ARAP1: variants seen among roughly 807,000 people sequenced by gnomAD.
ARAP1 encodes arf-GAP with Rho-GAP domain, ANK repeat and PH domain-containing protein 1.
ARAP1 carries 76 observed loss-of-function variants against 172.2 expected under a neutral mutation model. That is an observed-to-expected ratio of 0.44 (90% confidence interval 0.37 to 0.53). ARAP1 has a LOEUF of 0.53. ARAP1 is among the 20% of genes least tolerant of loss of function. The probability of loss-of-function intolerance (pLI) is 0.00; values close to 1 mark genes in which losing one functional copy is unlikely to be tolerated. For synonymous variants in ARAP1, 804 were observed against 803.3 expected (o/e 1.00, Z -0.01); for missense variants, 1,686 against 1,977.5 (o/e 0.85, Z 2.80).
intron 1 of ARAP1, among the ~76,000 whole-genome samples, chr11:72,736,273 C>T (rs1259863719): frequency 7.2e-6 from 1 of 139,142 alleles, no homozygotes; most frequent in African/African-American, 2.7e-5. Context: ...GGGAAGGTCT[C>T]GCTTTGTTGC....
Position 72,705,933 on chromosome 11 carries a change from T to A in ARAP1, c.1724-43A>T, listed in dbSNP as rs201552870. The stretch of plus-strand genomic sequence containing the variant: ...GACCCAGAATCACCTGGGCCCCCCC[T>A]TCACGGGAGCACTTACCCACCCCCA... On this transcript the variant is annotated intron_variant, in intron 12 of 34. Coordinates refer to ENST00000393609, the MANE Select transcript of ARAP1 (RefSeq NM_001040118.3). 1.2e-4 allele frequency: 198 copies of A among 1,602,506 alleles called. No individual in the cohort carries two copies. The African/African-American group carries it at 2.5e-3, about 20-fold the overall frequency.
At position 72,695,641 on chromosome 11, in the gene ARAP1, G is replaced by A. The variant is rs376839214; in HGVS notation, c.3421-13C>T. ...CTTCCTCATCCACCTGGGAAGGGGC[G>A]AGAGGCAGGGACAGGTGGTCACCGT... On this transcript the variant is annotated splice_polypyrimidine_tract_variant and intron_variant, in intron 24 of 34. Transcript: ENST00000393609. This position sits in a 1 kb window ranked among gnomAD's most constrained non-coding sequence, Gnocchi z 4.4. 2.7e-5 allele frequency: 44 copies of A among 1,613,918 alleles called. No homozygotes were observed. Among genetic ancestry groups the A allele is most frequent in the Admixed American group, 3.3e-5 (2 of 59,996 alleles).
rs1858208855 is a variant in ARAP1 at position 72,741,809 on chromosome 11, C to T, written c.-127-9212G>A. On this transcript the variant is annotated intron_variant, in intron 1 of 34. Coordinates refer to ENST00000393609, the MANE Select transcript of ARAP1 (RefSeq NM_001040118.3). This position sits in a 1 kb window ranked among gnomAD's most constrained non-coding sequence, Gnocchi z 4.5. ...GGGCCGAGGGCCAGCACCCACCCTG[C>T]CCCAAGAGGGAAGGGGAGGCCGCCA... is the stretch of plus-strand genomic sequence containing the variant. 1.3e-5 allele frequency among the ~76,000 whole-genome samples: 2 copies of T among 152,098 alleles called. No homozygotes were observed. Among genetic ancestry groups the T allele is most frequent in the South Asian group, 2.1e-4 (1 of 4,826 alleles).
Position 72,735,608 on chromosome 11 carries a change from A to G in ARAP1, c.-127-3011T>C, listed in dbSNP as rs534827633. Among the ~76,000 whole-genome samples the G allele has an allele frequency of 7.9e-5, 12 of 152,248 alleles. No individual in the cohort carries two copies. The South Asian group carries it at 2.5e-3, about 32-fold the overall frequency. The stretch of plus-strand genomic sequence containing the variant: ...GAGACTCCAGCTCAAAAACAAAAGC[A>G]AAAACTGAGCACCTGCTATATACAG... On this transcript the variant is annotated intron_variant, in intron 1 of 34. Coordinates refer to ENST00000393609, the MANE Select transcript of ARAP1 (RefSeq NM_001040118.3).
In ARAP1 at chr11:72,722,669, G is replaced by A. The variant is rs1857563958; in HGVS notation, c.509+3951C>T. Among the ~76,000 whole-genome samples, 7 of 152,222 alleles carry A rather than the reference G, an allele frequency of 4.6e-5. No individual in the cohort carries two copies. In the South Asian group the frequency reaches 1.4e-3, roughly 32 times the overall value. On this transcript the variant is annotated intron_variant, in intron 3 of 34. Transcript: ENST00000393609. The stretch of plus-strand genomic sequence containing the variant: ...TCAAGGGCACAGGAGGGAAGCCTTG[G>A]CAGTGTGGCTCCAGCTGGGCAGCTG...
At chr11:72,736,645 C>T (rs1858035656) in intron 1 of ARAP1, among the ~76,000 whole-genome samples, 1 of 152,080 alleles carries the variant, frequency 6.6e-6, no homozygotes, top group Non-Finnish European at 1.5e-5. Flanking sequence ...CCCAATCAGA[C>T]TTCAGCACCC....
At chr11:72,702,323 A>C (rs1395295806) in intron 15 of ARAP1, among the ~76,000 whole-genome samples, 1 of 151,946 alleles carries the variant, frequency 6.6e-6, no homozygotes, top group Non-Finnish European at 1.5e-5. Context: ...CTGAGCCCAG[A>C]GCCCCAGCCA....
intron 14 of ARAP1, 110 bp downstream of exon 14, chr11:72,704,042 C>T (rs1327054857): frequency 3.0e-5 from 43 of 1,423,516 alleles, no homozygotes; most frequent in Non-Finnish European, 4.2e-5. Context: ...CCCCATATGC[C>T]AAGACATCTC....
chr11:72,725,980 A>C lies in ARAP1; in HGVS notation c.509+640T>G, dbSNP rs957291045. 6.6e-6 allele frequency among the ~76,000 whole-genome samples: 1 copy of C among 152,130 alleles called. No individual in the cohort carries two copies. Among genetic ancestry groups the C allele is most frequent in the Non-Finnish European group, 1.5e-5 (1 of 68,002 alleles). ...ATGGCAGGAAGGGAGGGCGTCTGTG[A>C]AGGAGATTAACATGGAATATCCACA... On this transcript the variant is annotated intron_variant, in intron 3 of 34. Coordinates refer to ENST00000393609, the MANE Select transcript of ARAP1 (RefSeq NM_001040118.3). This position sits in a 1 kb window ranked among gnomAD's most constrained non-coding sequence, Gnocchi z 4.3.
chr11:72,711,052 G>A lies in ARAP1; in HGVS notation c.1182C>T (p.Asn394=). The A allele has an allele frequency of 6.2e-7, 1 of 1,614,212 alleles. No homozygotes were observed. The highest frequency in any genetic ancestry group is 1.3e-5 in the African/African-American group (1 of 75,050). ...TCTCTGCCCGGAAGGCAAAGGTTCG[G>A]TTGTTTGTGATCACTTCAAACTTCT... The part of the protein sequence containing the change: ...GDQKFEVITN[N]RTFAFRAESD... The change falls in exon 9 of 35, where the codon AAC becomes AAT. Residue 394 remains asparagine (N), a synonymous_variant. Transcript: ENST00000393609.
Position 72,694,835 on chromosome 11 carries a change from T to A in ARAP1, c.3694+145A>T. The A allele has an allele frequency of 5.8e-6, 4 of 688,022 alleles. No homozygotes were observed. The South Asian group carries it at 7.4e-5, about 13-fold the overall frequency. The allele number at this position is 688,022 out of a possible 1,614,324, so 42.6% of individuals were successfully genotyped here. ...CCCTGCCAGCACCCTATCACCACCA[T>A]CACAGAGATCAGTGTGACAGCAACA... On this transcript the variant is annotated intron_variant, in intron 27 of 34. Coordinates refer to ENST00000393609, the MANE Select transcript of ARAP1 (RefSeq NM_001040118.3).
intron 3 of ARAP1, among the ~76,000 whole-genome samples, chr11:72,717,265 C>A (rs904560897): frequency 5.3e-5 from 8 of 152,184 alleles, no homozygotes; most frequent in Admixed American, 2.6e-4. Flanking sequence ...AGGAAGGCGC[C>A]TTGGAAACCC....
intron 3 of ARAP1, chr11:72,722,171 GAA>G (rs1426192893): frequency 4.1e-6 from 4 of 980,306 alleles, no homozygotes; most frequent in Non-Finnish European, 3.6e-6. Context: ...GAGAGAGAGA[GAA>G]AGACAGAGGG....
chr11:72,746,664 C>A (rs1858375967), intron 1 of ARAP1, among the ~76,000 whole-genome samples: 1 of 150,466 alleles, frequency 6.6e-6, no homozygotes, highest in South Asian at 2.1e-4. Flanking sequence ...ACAGCCCCCT[C>A]CCCCCAACCC....
Position 72,710,731 on chromosome 11 carries a change from C to T in ARAP1, c.1214-144G>A, listed in dbSNP as rs377094361. On this transcript the variant is annotated intron_variant, in intron 9 of 34. Transcript: ENST00000393609. This position sits in a 1 kb window ranked among gnomAD's most constrained non-coding sequence, Gnocchi z 4.3. ...TTTTGCTTGACTTCTCTGACTTGAA[C>T]GAGCTCAGGCTCCAATCCCAGCTAT... 23 of 1,032,120 alleles carry T rather than the reference C, an allele frequency of 2.2e-5. No individual in the cohort carries two copies. Among genetic ancestry groups the T allele is most frequent in the African/African-American group, 1.5e-4 (9 of 61,850 alleles). 63.9% of individuals were successfully genotyped at this position (1,032,120 alleles called of 1,614,324 possible). A position where few individuals can be genotyped will look rare whatever the true frequency, so the allele number is the denominator to read the frequency against.
Position 72,727,146 on chromosome 11 carries a change from G to T in ARAP1, c.-18C>A. The stretch of plus-strand genomic sequence containing the variant: ...TCTGCCATGGTTCCTGCCAGCGGAG[G>T]CCTGACTGGCAGGGCTTTGTCCAGA... On this transcript the variant is annotated 5_prime_UTR_variant, in exon 3 of 35. Transcript: ENST00000393609. 1 of 1,562,342 alleles carries T rather than the reference G, an allele frequency of 6.4e-7. No individual in the cohort carries two copies. Among genetic ancestry groups the T allele is most frequent in the Non-Finnish European group, 8.7e-7 (1 of 1,152,170 alleles).
In ARAP1 at chr11:72,699,593, C is replaced by T; in HGVS notation, c.2303-41G>A. On this transcript the variant is annotated intron_variant, in intron 16 of 34. Coordinates refer to ENST00000393609, the MANE Select transcript of ARAP1 (RefSeq NM_001040118.3). The surrounding 1 kb of genome is among the most constrained non-coding windows in gnomAD (Gnocchi z 4.2). ...GCAGGGGAGCCATCAGGGAGCCCCC[C>T]ACCACCTGAAAACCACCTCTGCATC... The T allele has an allele frequency of 6.3e-7, 1 of 1,591,260 alleles. No individual in the cohort carries two copies. The highest frequency in any genetic ancestry group is 8.6e-7 in the Non-Finnish European group (1 of 1,169,484).
intron 18 of ARAP1, 98 bp from the exon 19 acceptor site, chr11:72,698,204 C>G: frequency 7.2e-7 from 1 of 1,380,272 alleles, no homozygotes. Context: ...CTCTTCCCAC[C>G]CAGCTGCCTT....
intron 23 of ARAP1, among the ~76,000 whole-genome samples, chr11:72,696,150 A>G: frequency 6.6e-6 from 1 of 151,152 alleles, no homozygotes; most frequent in South Asian, 2.1e-4. Context: ...CAATTTTTCC[A>G]AGGACAGGGT....
Sources: gnomAD v4.1 joint callset for allele counts (sites outside exome capture counted in the v4.1 genomes callset) on GRCh38, gnomAD v4.1.1 for gene constraint, Gnocchi (gnomAD v3.1) non-coding constraint, MANE v1.5 for transcripts, NCBI Gene and HGNC (gene_info 2026-07-23, HGNC 2026-07-21) for gene names.